ELAVL1: variants seen among roughly 807,000 people sequenced by gnomAD.
The protein encoded by ELAVL1 is ELAV like RNA binding protein 1, also known as ELAV-like protein 1.
ELAVL1 carries 1 observed loss-of-function variant against 28.4 expected under a neutral mutation model. That is an observed-to-expected ratio of 0.04 (90% CI 0.01 to 0.17). The LOEUF (loss-of-function observed/expected upper bound fraction) is 0.17, where lower values mean the gene tolerates loss of function less well. Ranked by LOEUF, ELAVL1 falls within the 10% of genes least tolerant of loss-of-function variation. The pLI, the probability that ELAVL1 is intolerant of heterozygous loss-of-function variation, is 1.00. For missense variants in ELAVL1, 157 were observed against 447.2 expected, an observed-to-expected ratio of 0.35 and a Z score of 5.85; for synonymous variants, 174 against 183.5, an observed-to-expected ratio of 0.95 and a Z score of 0.42.
chr19:7,988,958 C>A (rs565547267), intron 2 of ELAVL1, among the ~76,000 whole-genome samples: 6 of 152,132 alleles, frequency 3.9e-5, no homozygotes, highest in Admixed American at 3.9e-4. Context: ...AGTTCCACTG[C>A]GAAGCGGGAG....
intron 4 of ELAVL1, among the ~76,000 whole-genome samples, chr19:7,970,649 A>G (rs1985081872): frequency 1.3e-5 from 2 of 152,190 alleles, no homozygotes; most frequent in South Asian, 2.1e-4. Flanking sequence ...AATACACTAT[A>G]AAGTTCACAA....
intron 5 of ELAVL1, among the ~76,000 whole-genome samples, chr19:7,965,189 A>G (rs2145199516): frequency 6.6e-6 from 1 of 152,226 alleles, no homozygotes; most frequent in Admixed American, 6.5e-5. Context: ...GAGCAGCTGG[A>G]CCACAGGTGT....
rs140079176 is a variant in ELAVL1, at chr19:8,000,835, G to C, written c.-17+4660C>G. The stretch of plus-strand genomic sequence containing the variant: ...CAGCCAGGCTGAGAAGCCCGGGGCA[G>C]GAGCAGGTCAGGTGTGGCTGGCCTG... On this transcript the variant is annotated intron_variant, in intron 1 of 5. Transcript: ENST00000407627. 2.8e-3 allele frequency among the ~76,000 whole-genome samples: 421 copies of C among 152,384 alleles called. 2 individuals carry two copies. Among genetic ancestry groups the C allele is most frequent in the Middle Eastern group, 0.017 (5 of 294 alleles).
rs1985483279 is a variant in ELAVL1, at chr19:7,982,200, C to T, written c.173-1014G>A. The stretch of plus-strand genomic sequence containing the variant: ...GGGTCAGGGTTCAGAAGGAGCTTCA[C>T]AGGACATTTGGCCAAATGCTCTCAC... On this transcript the variant is annotated intron_variant, in intron 2 of 5. Transcript: ENST00000407627. The surrounding 1 kb of genome is among the most constrained non-coding windows in gnomAD (Gnocchi z 4.3). Among the ~76,000 whole-genome samples the T allele has an allele frequency of 6.6e-6, 1 of 152,198 alleles. No individual in the cohort carries two copies. Among genetic ancestry groups the T allele is most frequent in the Admixed American group, 6.5e-5 (1 of 15,278 alleles).
At chr19:7,988,709 G>A (rs1985670071) in intron 2 of ELAVL1, among the ~76,000 whole-genome samples, 1 of 152,242 alleles carries the variant, frequency 6.6e-6, no homozygotes, top group South Asian at 2.1e-4. Flanking sequence ...GGGACCACGT[G>A]GGTGGAGGCC....
intron 4 of ELAVL1, among the ~76,000 whole-genome samples, chr19:7,971,116 C>T (rs1985098898): frequency 2.0e-5 from 3 of 152,208 alleles, no homozygotes; most frequent in Admixed American, 2.0e-4. Flanking sequence ...ACAGCCGACC[C>T]TGGGGGCGCA....
intron 1 of ELAVL1, among the ~76,000 whole-genome samples, 152 bp downstream of exon 1, chr19:8,005,343 C>T (rs1320620705): frequency 6.7e-6 from 1 of 148,830 alleles, no homozygotes; most frequent in African/African-American, 2.4e-5. Flanking sequence ...ACCCGCCCGC[C>T]GCGGCCCCAG....
rs1316343399 is a variant in ELAVL1 at position 8,000,161 on chromosome 19, A to T, written c.-17+5334T>A. ...GGTCTTTAACTCCTGACGTCAAGTG[A>T]TCCTCCTACCTCAGCCTCCCAAGCA... On this transcript the variant is annotated intron_variant, in intron 1 of 5. Coordinates refer to ENST00000407627, the MANE Select transcript of ELAVL1 (RefSeq NM_001419.3). 2.0e-5 allele frequency among the ~76,000 whole-genome samples: 3 copies of T among 152,038 alleles called. No individual in the cohort carries two copies. In the East Asian group the frequency reaches 5.8e-4, roughly 29 times the overall value.
chr19:7,992,018 G>A (rs973155578), intron 1 of ELAVL1, among the ~76,000 whole-genome samples, 187 bp from the exon 2 acceptor site: 1 of 147,748 alleles, frequency 6.8e-6, no homozygotes, highest in Non-Finnish European at 1.5e-5. Flanking sequence ...TCGGCTTACT[G>A]CAACCTCTGC....
chr19:7,973,229 C>CTT (rs758693392), intron 4 of ELAVL1: 39 of 139,642 alleles, frequency 2.8e-4, no homozygotes, highest in African/African-American at 4.9e-4. Context: ...TAATCCCCAG[C>CTT]TTTTTTTTTT....
chr19:7,972,049 G>A (rs573451786), intron 4 of ELAVL1, among the ~76,000 whole-genome samples: 17 of 152,168 alleles, frequency 1.1e-4, no homozygotes, highest in Non-Finnish European at 2.1e-4. Flanking sequence ...CCAACTACTC[G>A]GTGTTATTTC....
rs552121318 is a variant in ELAVL1, at chr19:7,964,040, G to C, written c.657-233C>G. 5.8e-3 allele frequency among the ~76,000 whole-genome samples: 876 copies of C among 152,274 alleles called. 9 individuals are homozygous for C. The highest frequency in any genetic ancestry group is 0.02 in the African/African-American group (833 of 41,534). On this transcript the variant is annotated intron_variant, in intron 5 of 5. Coordinates refer to ENST00000407627, the MANE Select transcript of ELAVL1 (RefSeq NM_001419.3). ...AGCTGACTCTGAGGGGCTGGTTGGTGCCCTCCACTCCTCCCACTGTGTATG... is the reference window on the plus strand; with the variant it reads ...AGCTGACTCTGAGGGGCTGGTTGGTCCCCTCCACTCCTCCCACTGTGTATG...
intron 2 of ELAVL1, among the ~76,000 whole-genome samples, chr19:7,989,706 C>T (rs1027951067): frequency 1.3e-5 from 2 of 152,208 alleles, no homozygotes; most frequent in Non-Finnish European, 2.9e-5. Context: ...TCTCCTGGAG[C>T]AGGAGAGAGA....
chr19:7,986,167 CCT>C (rs1385977531), intron 2 of ELAVL1, among the ~76,000 whole-genome samples: 1 of 152,208 alleles, frequency 6.6e-6, no homozygotes, highest in African/African-American at 2.4e-5. Context: ...CTGGAAGCGC[CCT>C]GACCTGACAC....
intron 3 of ELAVL1, among the ~76,000 whole-genome samples, chr19:7,977,484 G>C (rs894512296): frequency 6.6e-6 from 1 of 152,206 alleles, no homozygotes; most frequent in Non-Finnish European, 1.5e-5. Context: ...AGCACTGGCT[G>C]TGTGTGGCAC....
chr19:7,984,969 T>G (rs1985562330), intron 2 of ELAVL1, among the ~76,000 whole-genome samples: 1 of 152,206 alleles, frequency 6.6e-6, no homozygotes, highest in Non-Finnish European at 1.5e-5. Context: ...AGTCAGGGTC[T>G]CAGTCTGTTG....
rs1555712395 is a variant in ELAVL1 at position 7,987,121 on chromosome 19, G to GC, written c.172+4522_172+4523insG. Among the ~76,000 whole-genome samples, 7 of 149,742 alleles carry GC rather than the reference G, an allele frequency of 4.7e-5. No homozygotes were observed. In the East Asian group the frequency reaches 6.0e-4, roughly 13 times the overall value. On this transcript the variant is annotated intron_variant, in intron 2 of 5. Coordinates refer to ENST00000407627, the MANE Select transcript of ELAVL1 (RefSeq NM_001419.3). ...AGAGCCTGACCGGGGGGTGCCGGGG[G>GC]GGGGGGAGGGTGCAGCAAGTGGGGA...
In ELAVL1 at chr19:7,965,352, A is replaced by G. The variant is rs115441292; in HGVS notation, c.657-1545T>C. Among the ~76,000 whole-genome samples the G allele has an allele frequency of 9.7e-3, 1,471 of 152,350 alleles. 25 individuals carry two copies. The highest frequency in any genetic ancestry group is 0.034 in the African/African-American group (1,423 of 41,578). On this transcript the variant is annotated intron_variant, in intron 5 of 5. Coordinates refer to ENST00000407627, the MANE Select transcript of ELAVL1 (RefSeq NM_001419.3). ...TGGCCTCCCAAAGCGTTGGGATTACAGGCGTGAGTCAATGCGCCCGGCCTT... is the reference window on the plus strand; with the variant it reads ...TGGCCTCCCAAAGCGTTGGGATTACGGGCGTGAGTCAATGCGCCCGGCCTT...
At position 7,973,763 on chromosome 19, in the gene ELAVL1, C is replaced by T. The variant is rs201280427; in HGVS notation, c.392G>A (p.Arg131Gln). The T allele has an allele frequency of 7.3e-5, 118 of 1,614,006 alleles. No homozygotes were observed. Among genetic ancestry groups the T allele is most frequent in the Middle Eastern group, 1.6e-4 (1 of 6,084 alleles). ...DVEDMFSRFG[R>Q]IINSRVLVDQ... ...CACGAGGACCCGCGAGTTGATGATC[C>T]GCCCAAACCGAGAGAACATGTCTTC... The change falls in exon 4 of 6, where the codon CGG becomes CAG. Residue 131 changes from arginine to glutamine, a missense_variant. Around this residue, in one of 4 missense-constraint regions of ELAVL1, gnomAD observed 107 missense variants for 310.4 expected, o/e 0.34. Transcript: ENST00000407627.
Sources: gnomAD v4.1 joint callset for allele counts (sites outside exome capture counted in the v4.1 genomes callset) on GRCh38, gnomAD v4.1.1 for gene constraint, gnomAD v4.1.1 regional missense constraint, Gnocchi (gnomAD v3.1) non-coding constraint, MANE v1.5 for transcripts, NCBI Gene and HGNC (gene_info 2026-07-23, HGNC 2026-07-21) for gene names.